The following CNTNAP2 variants were observed in gnomAD, a reference collection of about 807,000 sequenced individuals.
CNTNAP2 encodes contactin associated protein 2.
CNTNAP2 carries 98 observed loss-of-function variants against 155.2 expected under a neutral mutation model. The ratio of observed to expected loss-of-function variants is 0.63; its 90% confidence interval spans 0.54 to 0.75. CNTNAP2 has a LOEUF of 0.75. CNTNAP2 is among the 30% of genes least tolerant of loss of function. The pLI is 0.00. For synonymous variants in CNTNAP2, 651 were observed against 631.2 expected (o/e 1.03, Z -0.47); for missense variants, 1,727 against 1,688.1 (o/e 1.02, Z -0.40).
Position 146,236,482 on chromosome 7 carries a change from T to A in CNTNAP2, c.97+119509T>A, listed in dbSNP as rs551196174. The stretch of plus-strand genomic sequence containing the variant: ...TTGTTTTACCAGCCTGAAAGAGGAA[T>A]GCTACACAGTCATATTTTAATGGCT... On this transcript the variant is annotated intron_variant, in intron 1 of 23. Transcript: ENST00000361727. 1.3e-4 allele frequency among the ~76,000 whole-genome samples: 20 copies of A among 152,332 alleles called. No homozygotes were observed. In the East Asian group the frequency reaches 3.1e-3, roughly 24 times the overall value.
At chr7:148,193,022 A>T (rs1408974759) in intron 18 of CNTNAP2, among the ~76,000 whole-genome samples, 2 of 152,204 alleles carry the variant, frequency 1.3e-5, no homozygotes, top group East Asian at 1.9e-4. Context: ...TTCTCTTTTT[A>T]AAAAATGAAG....
chr7:146,507,798 T>C (rs1434008723), intron 1 of CNTNAP2, among the ~76,000 whole-genome samples: 1 of 152,184 alleles, frequency 6.6e-6, no homozygotes, highest in African/African-American at 2.4e-5. Context: ...ATCCATATAA[T>C]GGAAAAGGTG....
At chr7:146,179,025 A>G (rs1798511996) in intron 1 of CNTNAP2, among the ~76,000 whole-genome samples, 1 of 152,200 alleles carries the variant, frequency 6.6e-6, no homozygotes, top group South Asian at 2.1e-4. Flanking sequence ...CAACATGAAG[A>G]TTTTCCTGAC....
rs147373823 is a variant in CNTNAP2, at chr7:147,329,223, G to A, written c.1498+28933G>A. Among the ~76,000 whole-genome samples, 512 of 152,062 alleles carry A rather than the reference G, an allele frequency of 3.4e-3. 7 individuals are homozygous for A. The highest frequency in any genetic ancestry group is 0.012 in the African/African-American group (479 of 41,490). On this transcript the variant is annotated intron_variant, in intron 9 of 23. Coordinates refer to ENST00000361727, the MANE Select transcript of CNTNAP2 (RefSeq NM_014141.6). ...CTACTACCACCATGGATAATAGAGT[G>A]AATCTGAGTTCATTGAGGTGAAGGT... is the stretch of plus-strand genomic sequence containing the variant.
At chr7:146,319,309 C>A (rs982754584) in intron 1 of CNTNAP2, among the ~76,000 whole-genome samples, 2 of 152,078 alleles carry the variant, frequency 1.3e-5, no homozygotes, top group African/African-American at 4.8e-5. Context: ...AATAAAAATA[C>A]TTTAAAAAAC....
chr7:146,395,969 G>GAAT (rs5888209), intron 1 of CNTNAP2, among the ~76,000 whole-genome samples: 82,558 of 151,604 alleles, frequency 0.54, 26,032 homozygotes, highest in African/African-American at 0.88. Flanking sequence ...GTAAATTGGA[G>GAAT]ATTATCACTT....
At chr7:146,327,259 T>C (rs1801113234) in intron 1 of CNTNAP2, among the ~76,000 whole-genome samples, 1 of 152,226 alleles carries the variant, frequency 6.6e-6, no homozygotes. Flanking sequence ...TCTGAACTAG[T>C]CAAATAGTAG....
At chr7:146,541,187 T>G (rs973987421) in intron 1 of CNTNAP2, among the ~76,000 whole-genome samples, 7 of 151,998 alleles carry the variant, frequency 4.6e-5, no homozygotes, top group Non-Finnish European at 7.4e-5. Flanking sequence ...CTCAGGAGAG[T>G]GAAACAATTG....
intron 1 of CNTNAP2, among the ~76,000 whole-genome samples, chr7:146,614,971 CAAA>C (rs775929251): frequency 6.7e-6 from 1 of 150,294 alleles, no homozygotes; most frequent in Non-Finnish European, 1.5e-5. Flanking sequence ...TAAAAGAAGG[CAAA>C]AAAAAGCTTT....
chr7:147,047,744 GC>G (rs1699577835), intron 4 of CNTNAP2, among the ~76,000 whole-genome samples: 2 of 152,142 alleles, frequency 1.3e-5, no homozygotes, highest in African/African-American at 4.8e-5. Context: ...GCTGTCATGG[GC>G]TTTTCCATCA....
At chr7:146,341,110 T>C (rs1185169910) in intron 1 of CNTNAP2, among the ~76,000 whole-genome samples, 3 of 152,190 alleles carry the variant, frequency 2.0e-5, no homozygotes, top group African/African-American at 7.2e-5. Context: ...TATCCTTTTG[T>C]TTAAACATTT....
At chr7:147,247,388 A>G (rs969320731) in intron 8 of CNTNAP2, among the ~76,000 whole-genome samples, 1 of 152,168 alleles carries the variant, frequency 6.6e-6, no homozygotes, top group Non-Finnish European at 1.5e-5. Flanking sequence ...CTGTGGCACC[A>G]TAGAATAATG....
At chr7:146,495,824 T>C in intron 1 of CNTNAP2, among the ~76,000 whole-genome samples, 1 of 152,076 alleles carries the variant, frequency 6.6e-6, no homozygotes, top group Non-Finnish European at 1.5e-5. Context: ...CAAGGTAGGC[T>C]TATGGGTACA....
At chr7:146,707,146 G>T (rs1249493782) in intron 1 of CNTNAP2, among the ~76,000 whole-genome samples, 1 of 152,116 alleles carries the variant, frequency 6.6e-6, no homozygotes, top group Non-Finnish European at 1.5e-5. Flanking sequence ...ACCATTCTGG[G>T]TGGCCATTGC....
At chr7:148,396,269 AG>A in intron 22 of CNTNAP2, among the ~76,000 whole-genome samples, 1 of 152,274 alleles carries the variant, frequency 6.6e-6, no homozygotes, top group East Asian at 1.9e-4. Context: ...AGTTGAGCTC[AG>A]TGTTATCCCT....
At chr7:148,341,649 T>A (rs1205988860) in intron 21 of CNTNAP2, among the ~76,000 whole-genome samples, 2 of 152,200 alleles carry the variant, frequency 1.3e-5, no homozygotes. Context: ...ATGGTCTTTC[T>A]ATACTACCTT....
intron 1 of CNTNAP2, among the ~76,000 whole-genome samples, chr7:146,429,244 TA>T (rs143549380): frequency 0.095 from 14,429 of 152,012 alleles, 2,053 homozygotes; most frequent in African/African-American, 0.31. Context: ...AATTTTAAAA[TA>T]TTTTTTTTTC....
intron 13 of CNTNAP2, among the ~76,000 whole-genome samples, chr7:147,801,309 G>GTTTTT (rs57750335): frequency 2.3e-5 from 3 of 130,390 alleles, no homozygotes; most frequent in African/African-American, 8.4e-5. Flanking sequence ...CTTCTATGAA[G>GTTTTT]TTTTTTTTTT....
At chr7:147,550,175 G>A (rs1188082427) in intron 11 of CNTNAP2, among the ~76,000 whole-genome samples, 1 of 152,066 alleles carries the variant, frequency 6.6e-6, no homozygotes, top group Non-Finnish European at 1.5e-5. Flanking sequence ...AATATATTTG[G>A]GATTTGTTAA....
Sources: allele counts gnomAD v4.1 joint callset (sites outside exome capture counted in the v4.1 genomes callset), GRCh38; gene constraint gnomAD v4.1.1; transcripts MANE v1.5; gene names NCBI Gene and HGNC (gene_info 2026-07-23, HGNC 2026-07-21).